Variants in LMO3 observed in about 807,000 individuals in gnomAD.
LMO3 encodes LIM domain only protein 3.
In LMO3, 2 loss-of-function variants were observed where a neutral mutation model predicts 15.8. That is an observed-to-expected ratio of 0.13 (90% CI 0.05 to 0.40). The LOEUF (loss-of-function observed/expected upper bound fraction) is 0.40, where lower values mean the gene tolerates loss of function less well. Among genes scored for constraint, LMO3 ranks in the 10% least tolerant of loss-of-function variants. The pLI, the probability that LMO3 is intolerant of heterozygous loss-of-function variation, is 0.99. For missense variants in LMO3, 86 were observed against 182.2 expected (o/e 0.47, Z 3.04); for synonymous variants, 62 against 63.8 (o/e 0.97, Z 0.13).
chr12:16,600,600 C>G, intron 2 of LMO3, 55 bp downstream of exon 2: 3 of 1,473,934 alleles, frequency 2.0e-6, no homozygotes, highest in Non-Finnish European at 2.8e-6. Flanking sequence ...AATACACTTA[C>G]AAAAGTACTT....
At chr12:16,561,275 A>G (rs1424678814) in intron 2 of LMO3, among the ~76,000 whole-genome samples, 1 of 152,252 alleles carries the variant, frequency 6.6e-6, no homozygotes, top group Non-Finnish European at 1.5e-5. Flanking sequence ...CTCTCATTTC[A>G]TAACGTGAGG....
At chr12:16,605,070 G>C in intron 1 of LMO3, 1 of 1,477,410 alleles carries the variant, frequency 6.8e-7, no homozygotes, top group East Asian at 2.4e-5. Flanking sequence ...GGCAGGGGGT[G>C]GGGGAAGGGA....
rs545389894 is a variant in LMO3, at chr12:16,570,089, A to G, written c.207-9551T>C. 1.6e-3 allele frequency among the ~76,000 whole-genome samples: 242 copies of G among 152,300 alleles called. 4 individuals are homozygous for G. Among genetic ancestry groups the G allele is most frequent in the South Asian group, 6.2e-3 (30 of 4,824 alleles). On this transcript the variant is annotated intron_variant, in intron 2 of 3. Transcript: ENST00000537304. ...AGCTGCTAGTTTCAGCCACAGTACAATTAATGCTAATTGGAATATGCTTTA... is the reference window on the plus strand; with the variant it reads ...AGCTGCTAGTTTCAGCCACAGTACAGTTAATGCTAATTGGAATATGCTTTA...
intron 2 of LMO3, among the ~76,000 whole-genome samples, chr12:16,574,756 T>A (rs747684655): frequency 6.6e-6 from 1 of 152,180 alleles, no homozygotes; most frequent in Non-Finnish European, 1.5e-5. Flanking sequence ...CTTCTATAAA[T>A]CTGTAATAGA....
At chr12:16,578,522 T>C (rs575712345) in intron 2 of LMO3, among the ~76,000 whole-genome samples, 1 of 152,074 alleles carries the variant, frequency 6.6e-6, no homozygotes, top group African/African-American at 2.4e-5. Context: ...AGTATTAAAA[T>C]AAAAATCACA....
chr12:16,572,519 A>G (rs2137455247), intron 2 of LMO3, among the ~76,000 whole-genome samples: 1 of 150,132 alleles, frequency 6.7e-6, no homozygotes, highest in East Asian at 2.0e-4. Flanking sequence ...CTGCTATGCC[A>G]AAGTGCCTAG....
chr12:16,578,677 G>T (rs1943067063), intron 2 of LMO3, among the ~76,000 whole-genome samples: 1 of 152,050 alleles, frequency 6.6e-6, no homozygotes, highest in Non-Finnish European at 1.5e-5. Flanking sequence ...AATTAGCCAG[G>T]TGTGGTGGTG....
At chr12:16,558,023 A>G (rs1394798068) in intron 3 of LMO3, among the ~76,000 whole-genome samples, 1 of 152,076 alleles carries the variant, frequency 6.6e-6, no homozygotes, top group Non-Finnish European at 1.5e-5. Flanking sequence ...GACATATGTG[A>G]AGCTCTGTCC....
chr12:16,572,480 G>A (rs1276497668), intron 2 of LMO3, among the ~76,000 whole-genome samples: 2 of 148,198 alleles, frequency 1.3e-5, no homozygotes, highest in Non-Finnish European at 3.0e-5. Context: ...TCACCTTTAG[G>A]ACTTATTATT....
At position 16,550,040 on chromosome 12, in the gene LMO3, T is replaced by C. The variant is rs965304979; in HGVS notation, c.*1182A>G. ...TAAATGTCAGGTAAATACAGAAAAA[T>C]ATATAATCACTAGTTCTCAGCATTT... On this transcript the variant is annotated 3_prime_UTR_variant, in exon 4 of 4. Transcript: ENST00000537304. The C allele has an allele frequency of 5.9e-5, 9 of 151,882 alleles. No individual in the cohort carries two copies. Among genetic ancestry groups the C allele is most frequent in the Admixed American group, 5.2e-4 (8 of 15,252 alleles). The allele number at this position is 151,882 out of a possible 1,614,324, so 9.4% of individuals were successfully genotyped here.
chr12:16,583,617 G>A (rs1392480331), intron 2 of LMO3, among the ~76,000 whole-genome samples: 1 of 152,162 alleles, frequency 6.6e-6, no homozygotes, highest in Non-Finnish European at 1.5e-5. Flanking sequence ...AAATGTAAGA[G>A]GCTGATTTAT....
intron 2 of LMO3, among the ~76,000 whole-genome samples, chr12:16,569,568 T>A (rs1320644246): frequency 6.6e-6 from 1 of 152,200 alleles, no homozygotes; most frequent in African/African-American, 2.4e-5. Context: ...GGAGAAGCTA[T>A]GCAGAGAAAA....
At chr12:16,557,367 A>AT (rs68115649) in intron 3 of LMO3, among the ~76,000 whole-genome samples, 94,526 of 142,756 alleles carry the variant, frequency 0.66, 31,063 homozygotes, top group Middle Eastern at 0.73. Context: ...GGTGGCAAGG[A>AT]TTTTTTTTTT....
intron 2 of LMO3, among the ~76,000 whole-genome samples, chr12:16,561,470 C>G (rs1942402776): frequency 6.6e-6 from 1 of 151,850 alleles, no homozygotes; most frequent in Admixed American, 6.6e-5. Context: ...GTCAGGCTGA[C>G]AGGAGGAAAA....
In LMO3 at chr12:16,550,171, T is replaced by C. The variant is rs915280780; in HGVS notation, c.*1051A>G. 9 of 152,112 alleles carry C rather than the reference T, an allele frequency of 5.9e-5. No individual in the cohort carries two copies. Among genetic ancestry groups the C allele is most frequent in the African/African-American group, 2.2e-4 (9 of 41,422 alleles). 9.4% of individuals were successfully genotyped at this position (152,112 alleles called of 1,614,324 possible). On this transcript the variant is annotated 3_prime_UTR_variant, in exon 4 of 4. Coordinates refer to ENST00000537304, the MANE Select transcript of LMO3 (RefSeq NM_018640.5). ...AATACCATCATAGCTTCAATGTGCA[T>C]TATAGTGATTTCAGTAGATTCACAC...
rs1361175701 is a variant in LMO3, at chr12:16,555,726, G to T, written c.333-4399C>A. 6.6e-6 allele frequency among the ~76,000 whole-genome samples: 1 copy of T among 152,046 alleles called. No homozygotes were observed. The highest frequency in any genetic ancestry group is 1.5e-5 in the Non-Finnish European group (1 of 68,038). On this transcript the variant is annotated intron_variant, in intron 3 of 3. Coordinates refer to ENST00000537304, the MANE Select transcript of LMO3 (RefSeq NM_018640.5). This position sits in a 1 kb window ranked among gnomAD's most constrained non-coding sequence, Gnocchi z 5.5. ...CTCTAATCTCTGAACATACTGAGCC[G>T]CTTTTCATTTCCTAAACACGTCAAA...
chr12:16,560,603 AGAT>A lies in LMO3; in HGVS notation c.207-68_207-66del. 1 of 1,439,230 alleles carries A rather than the reference AGAT, an allele frequency of 6.9e-7. No individual in the cohort carries two copies. The allele number at this position is 1,439,230 out of a possible 1,614,324, so 89.2% of individuals were successfully genotyped here. A position where few individuals can be genotyped will look rare whatever the true frequency, so the allele number is the denominator to read the frequency against. On this transcript the variant is annotated intron_variant, in intron 2 of 3. Coordinates refer to ENST00000537304, the MANE Select transcript of LMO3 (RefSeq NM_018640.5). This position sits in a 1 kb window ranked among gnomAD's most constrained non-coding sequence, Gnocchi z 5.0. ...CAGAGAAATCTGAGATCGTGAAGAGAGATGATGTTAATATACTCTGTAAAGCTA... is the reference window on the plus strand; with the variant it reads ...CAGAGAAATCTGAGATCGTGAAGAGAGATGTTAATATACTCTGTAAAGCTA...
rs973092141 is a variant in LMO3 at position 16,603,774 on chromosome 12, G to T, written c.-9+2292C>A. On this transcript the variant is annotated intron_variant, in intron 1 of 3. Transcript: ENST00000537304. This position sits in a 1 kb window ranked among gnomAD's most constrained non-coding sequence, Gnocchi z 4.9. ...TTCCCTTGTTCTGTACCATTCATCC[G>T]CACAGTCTCAGCTTCAGTAGTTAAC... Among the ~76,000 whole-genome samples the T allele has an allele frequency of 5.9e-5, 9 of 152,044 alleles. No individual in the cohort carries two copies.
rs181131799 is a variant in LMO3 at position 16,552,540 on chromosome 12, C to A, written c.333-1213G>T. 1.0e-3 allele frequency among the ~76,000 whole-genome samples: 156 copies of A among 152,074 alleles called. 1 individual carries two copies. In the Middle Eastern group the frequency reaches 0.027, roughly 27 times the overall value. On this transcript the variant is annotated intron_variant, in intron 3 of 3. Coordinates refer to ENST00000537304, the MANE Select transcript of LMO3 (RefSeq NM_018640.5). The stretch of plus-strand genomic sequence containing the variant: ...AACCTATTTTTTTCCAACTGGGTAG[C>A]TTTGGAAATTTATCCTTATACTAGC...
Sources: gnomAD v4.1 joint callset for allele counts (sites outside exome capture counted in the v4.1 genomes callset) on GRCh38, gnomAD v4.1.1 for gene constraint, Gnocchi (gnomAD v3.1) non-coding constraint, MANE v1.5 for transcripts, NCBI Gene and HGNC (gene_info 2026-07-23, HGNC 2026-07-21) for gene names.